Variants in MAD1L1 observed in about 807,000 individuals in gnomAD.
MAD1L1 encodes the protein mitotic arrest deficient 1 like 1.
MAD1L1 carries 95 observed loss-of-function variants against 96.9 expected under a neutral mutation model. The observed-to-expected ratio is 0.98, with a 90% CI of 0.83 to 1.16. The LOEUF (loss-of-function observed/expected upper bound fraction) is 1.16. Ranked by LOEUF, MAD1L1 falls within the 50% of genes most tolerant of loss-of-function variation. The probability of loss-of-function intolerance (pLI) is 0.00; values close to 1 mark genes in which losing one functional copy is unlikely to be tolerated. For synonymous variants in MAD1L1, 473 were observed against 396.6 expected, an observed-to-expected ratio of 1.19 and a Z score of -2.29; for missense variants, 1,007 against 954.4, an observed-to-expected ratio of 1.06 and a Z score of -0.73.
chr7:1,816,887 CCACCCCGGTCAG>C (rs1781837100), intron 18 of MAD1L1: 1 of 152,054 alleles, frequency 6.6e-6, no homozygotes, highest in South Asian at 2.1e-4. Flanking sequence ...AGAGCCAGCC[CCACCCCGGTCAG>C]CACCCACACA....
At chr7:1,975,912 G>A (rs780342550) in intron 15 of MAD1L1, among the ~76,000 whole-genome samples, 5 of 152,326 alleles carry the variant, frequency 3.3e-5, no homozygotes, top group South Asian at 4.1e-4. Flanking sequence ...ATTAGCAAGC[G>A]TCTAACCAGT....
intron 11 of MAD1L1, among the ~76,000 whole-genome samples, chr7:2,110,667 C>A (rs867243092): frequency 6.6e-6 from 1 of 152,144 alleles, no homozygotes; most frequent in Admixed American, 6.5e-5. Flanking sequence ...TCAAATTTTT[C>A]TTGCTGAAGA....
intron 12 of MAD1L1, among the ~76,000 whole-genome samples, chr7:2,053,118 T>C (rs1263688287): frequency 1.3e-5 from 2 of 152,194 alleles, no homozygotes; most frequent in African/African-American, 4.8e-5. Context: ...GTCTTGCGAC[T>C]TTGGTTGTTG....
Position 2,142,041 on chromosome 7 carries a change from T to C in MAD1L1, c.1073+7111A>G, listed in dbSNP as rs1176652494. Among the ~76,000 whole-genome samples, 1 of 152,186 alleles carries C rather than the reference T, an allele frequency of 6.6e-6. No individual in the cohort carries two copies. The highest frequency in any genetic ancestry group is 1.5e-5 in the Non-Finnish European group (1 of 68,030). On this transcript the variant is annotated intron_variant, in intron 11 of 18. Coordinates refer to ENST00000265854, the MANE Select transcript of MAD1L1 (RefSeq NM_001013836.2). This position sits in a 1 kb window ranked among gnomAD's most constrained non-coding sequence, Gnocchi z 4.7. The stretch of plus-strand genomic sequence containing the variant: ...CCCTGTCACCTTGAGCAGCGCACTC[T>C]GGGGCACCTGACTCACTGAGGGGTC...
At chr7:1,868,618 ATGCGATACCCT>A (rs1784894369) in intron 18 of MAD1L1, among the ~76,000 whole-genome samples, 1 of 152,212 alleles carries the variant, frequency 6.6e-6, no homozygotes, top group South Asian at 2.1e-4. Context: ...CCAGCGCGTC[ATGCGATACCCT>A]TGCGGCCTGC....
At chr7:1,847,508 C>A (rs1305128290) in intron 18 of MAD1L1, 1 of 471,032 alleles carries the variant, frequency 2.1e-6, no homozygotes, top group African/African-American at 2.0e-5. Flanking sequence ...AGGGGAAGCT[C>A]AGCTGGAAGG....
rs1384390736 is a variant in MAD1L1 at position 1,898,348 on chromosome 7, C to T, written c.1850G>A (p.Arg617Gln). ...QVESAELKNQ[R>Q]LKEVFQTKIQ... ...CTTGGTCTGGAAAACCTCCTTGAGC[C>T]GCTGGTTCTTCAGCTCGGCACTCTC... The change falls in exon 18 of 19, where the codon CGG (arginine) becomes CAG (glutamine). Residue 617 changes from arginine to glutamine, a missense_variant. Physicochemically the swap from Arg to Gln is conservative, Grantham distance 43 (BLOSUM62 1). Transcript: ENST00000265854. The T allele has an allele frequency of 3.1e-6, 5 of 1,613,876 alleles. No homozygotes were observed. Among genetic ancestry groups the T allele is most frequent in the African/African-American group, 1.3e-5 (1 of 74,900 alleles).
intron 12 of MAD1L1, among the ~76,000 whole-genome samples, chr7:2,034,694 C>G (rs150614488): frequency 8.5e-5 from 13 of 152,340 alleles, no homozygotes; most frequent in African/African-American, 2.6e-4. Context: ...CTCCATGGCA[C>G]CTGCGCACGT....
intron 10 of MAD1L1, among the ~76,000 whole-genome samples, chr7:2,191,595 G>A (rs1791720879): frequency 6.6e-6 from 1 of 151,956 alleles, no homozygotes; most frequent in Admixed American, 6.6e-5. Context: ...GCTGGGCGTG[G>A]TGGCAAGTGT....
intron 11 of MAD1L1, among the ~76,000 whole-genome samples, chr7:2,079,099 G>A (rs1785512180): frequency 6.6e-6 from 1 of 152,240 alleles, no homozygotes; most frequent in Admixed American, 6.5e-5. Flanking sequence ...TCGGGTTCAA[G>A]TCCACGTGGC....
At chr7:2,013,625 G>A (rs535990726) in intron 13 of MAD1L1, among the ~76,000 whole-genome samples, 11 of 152,406 alleles carry the variant, frequency 7.2e-5, no homozygotes, top group South Asian at 4.1e-4. Flanking sequence ...GGCACCCGGC[G>A]GCGGCGTGTG....
At chr7:2,130,138 C>T (rs966779039) in intron 11 of MAD1L1, among the ~76,000 whole-genome samples, 3 of 152,270 alleles carry the variant, frequency 2.0e-5, no homozygotes, top group African/African-American at 4.8e-5. Context: ...AAATGCCCTC[C>T]TCTTGGATTT....
In MAD1L1 at chr7:2,219,453, T is replaced by C. The variant is rs1793471865; in HGVS notation, c.475A>G (p.Ile159Val). Residue 159 changes from isoleucine to valine, a missense_variant, in exon 6 of 19, where the codon ATC becomes GTC. Transcript: ENST00000265854. ...GAGATCCTCCCCTTCAGTGCGTTGATGGTCTAAAAGTAGAGGGGACCAGAG... is the reference window on the plus strand; with the variant it reads ...GAGATCCTCCCCTTCAGTGCGTTGACGGTCTAAAAGTAGAGGGGACCAGAG... ...EDSLAQAGET[I>V]NALKGRISEL... is the part of the protein sequence containing the mutation. 1.9e-6 allele frequency: 3 copies of C among 1,613,592 alleles called. No individual in the cohort carries two copies. Among genetic ancestry groups the C allele is most frequent in the Non-Finnish European group, 2.5e-6 (3 of 1,179,852 alleles).
intron 18 of MAD1L1, among the ~76,000 whole-genome samples, chr7:1,879,747 T>C (rs1785578213): frequency 6.6e-6 from 1 of 152,188 alleles, no homozygotes; most frequent in Admixed American, 6.5e-5. Context: ...TGATTTTCTT[T>C]TGAGACGGAG....
intron 11 of MAD1L1, chr7:2,107,337 T>C (rs1230561987): frequency 6.6e-6 from 1 of 152,384 alleles, no homozygotes; most frequent in African/African-American, 2.4e-5. Context: ...TCGAGGATTA[T>C]GTGGTCACTG....
At position 1,898,104 on chromosome 7, in the gene MAD1L1, G is replaced by T. The variant is rs190570234; in HGVS notation, c.1998+96C>A. 54 of 1,306,322 alleles carry T rather than the reference G, an allele frequency of 4.1e-5. No homozygotes were observed. The East Asian group carries it at 9.5e-4, about 23-fold the overall frequency. The allele number at this position is 1,306,322 out of a possible 1,614,324, so 80.9% of individuals were successfully genotyped here. On this transcript the variant is annotated intron_variant, in intron 18 of 18. Coordinates refer to ENST00000265854, the MANE Select transcript of MAD1L1 (RefSeq NM_001013836.2). ...GCCCTCCACACCATCCCCTTTGGAC[G>T]CGAGGCTGCTCCTTTGCTGAGGGCT...
chr7:1,854,279 G>A, intron 18 of MAD1L1: 1 of 419,670 alleles, frequency 2.4e-6, no homozygotes, highest in South Asian at 1.7e-5. Flanking sequence ...GCTGGGAGTG[G>A]CTGAGACTGC....
At chr7:2,029,496 G>A (rs1584126140) in intron 12 of MAD1L1, among the ~76,000 whole-genome samples, 2 of 152,112 alleles carry the variant, frequency 1.3e-5, no homozygotes, top group African/African-American at 4.8e-5. Flanking sequence ...TTTCATCATA[G>A]CCCTCTAAGA....
At chr7:2,210,567 C>A (rs978852918) in intron 10 of MAD1L1, among the ~76,000 whole-genome samples, 2 of 145,634 alleles carry the variant, frequency 1.4e-5, no homozygotes, top group Non-Finnish European at 3.0e-5. Flanking sequence ...TTCGGGACCG[C>A]CAGCCCGCAT....
Sources: allele counts gnomAD v4.1 joint callset (sites outside exome capture counted in the v4.1 genomes callset), GRCh38; gene constraint gnomAD v4.1.1; non-coding constraint Gnocchi (gnomAD v3.1); transcripts MANE v1.5; gene names NCBI Gene and HGNC (gene_info 2026-07-23, HGNC 2026-07-21).